Variants in IGF2BP3 observed in about 807,000 individuals in gnomAD.
IGF2BP3 encodes insulin-like growth factor 2 mRNA-binding protein 3.
In IGF2BP3, 9 loss-of-function variants were observed where a neutral mutation model predicts 73.8. The observed-to-expected ratio is 0.12, with a 90% CI of 0.07 to 0.21. The LOEUF (loss-of-function observed/expected upper bound fraction) is 0.21, where lower values mean the gene tolerates loss of function less well. Ranked by LOEUF, IGF2BP3 falls within the 10% of genes least tolerant of loss-of-function variation. The pLI is 1.00. For missense variants in IGF2BP3, 542 were observed against 714.0 expected, an observed-to-expected ratio of 0.76 and a Z score of 2.75; for synonymous variants, 258 against 256.7, an observed-to-expected ratio of 1.01 and a Z score of -0.05.
intron 12 of IGF2BP3, among the ~76,000 whole-genome samples, chr7:23,317,197 T>A (rs904837791): frequency 6.6e-6 from 1 of 152,126 alleles, no homozygotes; most frequent in Non-Finnish European, 1.5e-5. Flanking sequence ...ATCTCTAAGA[T>A]CCCAGGGATT....
intron 3 of IGF2BP3, among the ~76,000 whole-genome samples, chr7:23,405,898 C>T (rs1423054171): frequency 1.3e-5 from 2 of 152,072 alleles, no homozygotes; most frequent in Non-Finnish European, 2.9e-5. Flanking sequence ...AAAGGTTGAG[C>T]AAGTTTGCTT....
At chr7:23,363,323 T>C (rs1785279951) in intron 3 of IGF2BP3, among the ~76,000 whole-genome samples, 1 of 152,226 alleles carries the variant, frequency 6.6e-6, no homozygotes, top group African/African-American at 2.4e-5. Context: ...CATAGATCAC[T>C]GTAGCCTCAA....
At chr7:23,439,242 T>TA (rs1189852718) in intron 2 of IGF2BP3, among the ~76,000 whole-genome samples, 1 of 151,372 alleles carries the variant, frequency 6.6e-6, no homozygotes, top group Non-Finnish European at 1.5e-5. Context: ...TGCCTCAAAA[T>TA]AAAAAATAAA....
intron 2 of IGF2BP3, among the ~76,000 whole-genome samples, chr7:23,462,406 G>C (rs1788470266): frequency 6.6e-6 from 1 of 150,466 alleles, no homozygotes; most frequent in African/African-American, 2.4e-5. Flanking sequence ...CTGTCACCCA[G>C]GCTGGAGTGC....
chr7:23,432,736 G>T (rs1787717456), intron 2 of IGF2BP3, among the ~76,000 whole-genome samples: 1 of 151,922 alleles, frequency 6.6e-6, no homozygotes, highest in South Asian at 2.1e-4. Context: ...AACCTCCGAG[G>T]TTCATGAGAT....
intron 2 of IGF2BP3, among the ~76,000 whole-genome samples, chr7:23,458,869 C>T (rs187545469): frequency 2.7e-4 from 41 of 152,314 alleles, no homozygotes; most frequent in African/African-American, 9.9e-4. Flanking sequence ...CATCTCTGCT[C>T]TGACTTGCCA....
At chr7:23,337,896 T>C (rs1249578926) in intron 10 of IGF2BP3, among the ~76,000 whole-genome samples, 1 of 152,180 alleles carries the variant, frequency 6.6e-6, no homozygotes, top group East Asian at 1.9e-4. Context: ...GCAGTTATCC[T>C]GGGCCAGGGA....
chr7:23,417,657 A>T (rs1385220289), intron 3 of IGF2BP3, among the ~76,000 whole-genome samples: 1 of 152,200 alleles, frequency 6.6e-6, no homozygotes, highest in Non-Finnish European at 1.5e-5. Context: ...TTACATTTTA[A>T]ATCATATTTA....
chr7:23,351,328 G>A lies in IGF2BP3; in HGVS notation c.660C>T (p.Asn220=). 6.2e-7 allele frequency: 1 copy of A among 1,613,906 alleles called. No individual in the cohort carries two copies. The highest frequency in any genetic ancestry group is 1.3e-5 in the African/African-American group (1 of 75,012). The change falls in exon 6 of 15, where the codon AAC becomes AAT. Residue 220 remains asparagine, a synonymous_variant. Transcript: ENST00000258729. ...IIGKEGATIR[N]ITKQTQSKID... is the part of the protein sequence containing the mutation. ...ACTTAGACTGGGTCTGTTTGGTGAT[G>A]TTCCGAATGGTGGCACCTTCTTTTC...
At chr7:23,445,810 T>C (rs2128546735) in intron 2 of IGF2BP3, among the ~76,000 whole-genome samples, 1 of 152,228 alleles carries the variant, frequency 6.6e-6, no homozygotes, top group Middle Eastern at 3.4e-3. Context: ...ATAGTTATGT[T>C]TAAGTAGAGG....
intron 2 of IGF2BP3, among the ~76,000 whole-genome samples, chr7:23,428,224 C>A (rs1047843423): frequency 1.3e-5 from 2 of 152,010 alleles, no homozygotes; most frequent in Non-Finnish European, 2.9e-5. Context: ...GTAATCCCAG[C>A]ACTTTGGGAG....
chr7:23,443,101 G>C (rs1167631269), intron 2 of IGF2BP3, among the ~76,000 whole-genome samples: 1 of 126,510 alleles, frequency 7.9e-6, no homozygotes, highest in Non-Finnish European at 1.6e-5. Context: ...ACATTACAGT[G>C]ATTTTTTTTT....
intron 3 of IGF2BP3, among the ~76,000 whole-genome samples, chr7:23,403,968 A>C (rs1460629730): frequency 6.6e-6 from 1 of 151,322 alleles, no homozygotes; most frequent in Non-Finnish European, 1.5e-5. Flanking sequence ...AAAACAAAAA[A>C]AAAAATTTTT....
At chr7:23,390,716 C>A (rs1786244310) in intron 3 of IGF2BP3, among the ~76,000 whole-genome samples, 1 of 151,932 alleles carries the variant, frequency 6.6e-6, no homozygotes, top group African/African-American at 2.4e-5. Flanking sequence ...GCCAAGACCA[C>A]AACTGTACAG....
intron 2 of IGF2BP3, among the ~76,000 whole-genome samples, chr7:23,461,951 T>C (rs1788458781): frequency 6.6e-6 from 1 of 152,196 alleles, no homozygotes; most frequent in Non-Finnish European, 1.5e-5. Context: ...GCCCAGCCTT[T>C]AAGAAGACTA....
At chr7:23,317,562 T>G (rs1784024825) in intron 12 of IGF2BP3, 77 bp downstream of exon 12, 1 of 1,054,618 alleles carries the variant, frequency 9.5e-7, no homozygotes, top group South Asian at 1.3e-5. Context: ...TTTAGACATA[T>G]TTAAGGGAGA....
intron 10 of IGF2BP3, among the ~76,000 whole-genome samples, chr7:23,319,672 G>A (rs191725419): frequency 3.3e-5 from 5 of 152,120 alleles, no homozygotes; most frequent in East Asian, 1.9e-4. Context: ...ACTCAAGGAC[G>A]CCAGCTCCAC....
rs76881572 is a variant in IGF2BP3 at position 23,463,440 on chromosome 7, T to C, written c.236+5042A>G. Among the ~76,000 whole-genome samples the C allele has an allele frequency of 6.0e-3, 907 of 152,194 alleles. 6 individuals carry two copies. Among genetic ancestry groups the C allele is most frequent in the African/African-American group, 0.021 (858 of 41,516 alleles). ...AAACAACAGAGCTACAGAAAAAAAA[T>C]TTAAGTCAAGCTCCTTACAGGAAAA... On this transcript the variant is annotated intron_variant, in intron 2 of 14. Transcript: ENST00000258729.
At chr7:23,331,512 C>G (rs1784443226) in intron 10 of IGF2BP3, among the ~76,000 whole-genome samples, 1 of 152,046 alleles carries the variant, frequency 6.6e-6, no homozygotes, top group Non-Finnish European at 1.5e-5. Context: ...GAGTGAGACT[C>G]TGTCTCAAAA....
Sources: gnomAD v4.1 joint callset for allele counts (sites outside exome capture counted in the v4.1 genomes callset) on GRCh38, gnomAD v4.1.1 for gene constraint, MANE v1.5 for transcripts, NCBI Gene and HGNC (gene_info 2026-07-23, HGNC 2026-07-21) for gene names.